Variants in IP6K2 observed in about 807,000 individuals in gnomAD.
IP6K2 encodes inositol hexakisphosphate kinase 2.
IP6K2 carries 9 observed loss-of-function variants against 43.3 expected under a neutral mutation model. The ratio of observed to expected loss-of-function variants is 0.21; its 90% confidence interval spans 0.13 to 0.36. The LOEUF (loss-of-function observed/expected upper bound fraction) is 0.36. Among genes scored for constraint, IP6K2 ranks in the 10% least tolerant of loss-of-function variants. The pLI, the probability that IP6K2 is intolerant of heterozygous loss-of-function variation, is 1.00. For missense variants in IP6K2, 332 were observed against 538.4 expected, an observed-to-expected ratio of 0.62 and a Z score of 3.79; for synonymous variants, 209 against 202.4, an observed-to-expected ratio of 1.03 and a Z score of -0.28.
intron 1 of IP6K2, among the ~76,000 whole-genome samples, chr3:48,712,593 A>G (rs1246374412): frequency 6.6e-6 from 1 of 152,104 alleles, no homozygotes; most frequent in Admixed American, 6.6e-5. Context: ...ATGTGCCTGT[A>G]GCCCCAACTG....
intron 1 of IP6K2, among the ~76,000 whole-genome samples, chr3:48,706,732 T>G (rs952366145): frequency 2.6e-5 from 4 of 151,630 alleles, no homozygotes; most frequent in Non-Finnish European, 5.9e-5. Flanking sequence ...CCCAGCTACT[T>G]GGGGGGCTGA....
In IP6K2 at chr3:48,695,569, G is replaced by A. The variant is rs568057648; in HGVS notation, c.-130-148C>T. 13 of 1,079,416 alleles carry A rather than the reference G, an allele frequency of 1.2e-5. No homozygotes were observed. Among genetic ancestry groups the A allele is most frequent in the Middle Eastern group, 3.3e-4 (1 of 3,060 alleles). 66.9% of individuals were successfully genotyped at this position (1,079,416 alleles called of 1,614,324 possible). On this transcript the variant is annotated intron_variant, in intron 1 of 5. Transcript: ENST00000328631. The surrounding 1 kb of genome is among the most constrained non-coding windows in gnomAD (Gnocchi z 4.6). ...GCCCATGCCACCCACCTTGGCCCCC[G>A]CCTTCTCCGGCAGAAAAACAAAAAC...
At chr3:48,690,154 G>A (rs962612109) in intron 4 of IP6K2, among the ~76,000 whole-genome samples, 3 of 152,204 alleles carry the variant, frequency 2.0e-5, no homozygotes, top group African/African-American at 7.2e-5. Context: ...TCTCAGCTGT[G>A]TGCACTAAAA....
chr3:48,714,346 C>T (rs918229849), intron 1 of IP6K2, among the ~76,000 whole-genome samples: 14 of 151,660 alleles, frequency 9.2e-5, no homozygotes, highest in Admixed American at 5.2e-4. Flanking sequence ...GTGTTACTGG[C>T]GTGAGCCACC....
At chr3:48,711,179 A>G (rs2080473077) in intron 1 of IP6K2, among the ~76,000 whole-genome samples, 1 of 152,168 alleles carries the variant, frequency 6.6e-6, no homozygotes, top group South Asian at 2.1e-4. Flanking sequence ...CTGAAGTGCC[A>G]GGATTACGGG....
chr3:48,711,632 G>A (rs900489175), intron 1 of IP6K2, among the ~76,000 whole-genome samples: 5 of 152,108 alleles, frequency 3.3e-5, no homozygotes, highest in Non-Finnish European at 7.4e-5. Flanking sequence ...TGCCTTACAG[G>A]TAAAACTTCC....
At chr3:48,707,630 G>A (rs946424621) in intron 1 of IP6K2, among the ~76,000 whole-genome samples, 2 of 152,024 alleles carry the variant, frequency 1.3e-5, no homozygotes, top group East Asian at 1.9e-4. Context: ...TAAAGACAGC[G>A]TTTTTCCATG....
chr3:48,694,386 C>A, intron 2 of IP6K2: 1 of 1,544,384 alleles, frequency 6.5e-7, no homozygotes, highest in Non-Finnish European at 8.8e-7. Flanking sequence ...CCAAAAGAAC[C>A]TAAGTTGTTC....
intron 1 of IP6K2, among the ~76,000 whole-genome samples, chr3:48,698,627 C>A (rs1338318214): frequency 1.3e-5 from 2 of 152,176 alleles, no homozygotes; most frequent in Non-Finnish European, 2.9e-5. Flanking sequence ...CACGCCACCA[C>A]GCCTGGCTAA....
chr3:48,691,236 A>T (rs554726534), intron 4 of IP6K2, 71 bp downstream of exon 4: 1 of 1,307,240 alleles, frequency 7.6e-7, no homozygotes, highest in African/African-American at 1.5e-5. Flanking sequence ...TCTCTCTCCA[A>T]GCTCCAAGGG....
chr3:48,695,380 T>C lies in IP6K2; in HGVS notation c.-89A>G. 1.4e-6 allele frequency: 2 copies of C among 1,472,086 alleles called. No homozygotes were observed. Among genetic ancestry groups the C allele is most frequent in the Non-Finnish European group, 1.8e-6 (2 of 1,110,232 alleles). 91.2% of individuals were successfully genotyped at this position (1,472,086 alleles called of 1,614,324 possible). ...TGTCTGTTGTTTGTCCGTGTGTCCC[T>C]CTCGTCTTGGCTCCTTGGCTTGTTC... On this transcript the variant is annotated 5_prime_UTR_variant, in exon 2 of 6. Coordinates refer to ENST00000328631, the MANE Select transcript of IP6K2 (RefSeq NM_016291.4). The surrounding 1 kb of genome is among the most constrained non-coding windows in gnomAD (Gnocchi z 4.6).
chr3:48,693,492 C>G (rs1287597980), intron 2 of IP6K2: 41 of 1,289,968 alleles, frequency 3.2e-5, no homozygotes, highest in Non-Finnish European at 2.1e-5. Flanking sequence ...TGTAATTCTT[C>G]TAATCCTAAA....
intron 4 of IP6K2, among the ~76,000 whole-genome samples, chr3:48,690,782 T>G (rs1210446510): frequency 7.4e-6 from 1 of 134,774 alleles, no homozygotes; most frequent in African/African-American, 2.8e-5. Context: ...AGCAAGACTC[T>G]GTCTCAAAAA....
At chr3:48,716,072 T>A (rs1408972297) in intron 1 of IP6K2, among the ~76,000 whole-genome samples, 1 of 152,206 alleles carries the variant, frequency 6.6e-6, no homozygotes, top group African/African-American at 2.4e-5. Flanking sequence ...AACACCCAAG[T>A]TACACGATGC....
At chr3:48,691,662 A>G (rs2077794249) in intron 3 of IP6K2, among the ~76,000 whole-genome samples, 180 bp from the exon 4 acceptor site, 3 of 152,036 alleles carry the variant, frequency 2.0e-5, no homozygotes, top group Non-Finnish European at 4.4e-5. Context: ...CTAAAAATAC[A>G]AAAATTAGCC....
At chr3:48,694,954 GAGA>G (rs774322013) in intron 2 of IP6K2, 133 bp downstream of exon 2, 101 of 1,577,378 alleles carry the variant, frequency 6.4e-5, no homozygotes, top group Non-Finnish European at 8.2e-5. Context: ...CCAGGAGGAG[GAGA>G]AGGAGGAGAG....
chr3:48,694,007 A>G lies in IP6K2; in HGVS notation c.203-828T>C, dbSNP rs545778798. 8.8e-5 allele frequency: 122 copies of G among 1,384,314 alleles called. No individual in the cohort carries two copies. The African/African-American group carries it at 1.4e-3, about 15-fold the overall frequency. 85.8% of individuals were successfully genotyped at this position (1,384,314 alleles called of 1,614,324 possible). ...GCGCCTTACAAACGACTGGCTGAAC[A>G]CCTTTCCTCCCAGGCCTCTCTGCCC... On this transcript the variant is annotated intron_variant, in intron 2 of 5. Coordinates refer to ENST00000328631, the MANE Select transcript of IP6K2 (RefSeq NM_016291.4).
At chr3:48,703,548 C>CA (rs35725171) in intron 1 of IP6K2, among the ~76,000 whole-genome samples, 1,275 of 69,852 alleles carry the variant, frequency 0.018, 21 homozygotes, top group South Asian at 0.093. Flanking sequence ...ACTAAAAATA[C>CA]AAAAAAAAAA....
intron 2 of IP6K2, chr3:48,693,503 A>G: frequency 7.9e-7 from 1 of 1,266,748 alleles, no homozygotes; most frequent in Non-Finnish European, 1.0e-6. Context: ...TAATCCTAAA[A>G]GACTGAAAAC....
Sources: gnomAD v4.1 joint callset for allele counts (sites outside exome capture counted in the v4.1 genomes callset) on GRCh38, gnomAD v4.1.1 for gene constraint, Gnocchi (gnomAD v3.1) non-coding constraint, MANE v1.5 for transcripts, NCBI Gene and HGNC (gene_info 2026-07-23, HGNC 2026-07-21) for gene names.